TENM3: variants seen among roughly 807,000 people sequenced by gnomAD.
TENM3 encodes the protein teneurin-3.
Under a neutral mutation model 255.1 loss-of-function variants are expected in TENM3, and 63 were observed. The observed-to-expected ratio is 0.25, with a 90% confidence interval of 0.20 to 0.30. The LOEUF is 0.30. TENM3 is among the 10% of genes least tolerant of loss of function. TENM3 has a pLI of 1.00. For missense variants in TENM3, 2,929 were observed against 3,461.1 expected, an observed-to-expected ratio of 0.85 and a Z score of 3.86; for synonymous variants, 1,306 against 1,322.3, an observed-to-expected ratio of 0.99 and a Z score of 0.27.
chr4:182,682,187 A>G (rs1756231381), intron 11 of TENM3, among the ~76,000 whole-genome samples, 173 bp downstream of exon 11: 1 of 152,184 alleles, frequency 6.6e-6, no homozygotes, highest in Non-Finnish European at 1.5e-5. Context: ...AAAAGAAGGA[A>G]CCAGGCTTAG....
the TENM3 span, among the ~76,000 whole-genome samples, chr4:181,758,939 A>G: frequency 5.3e-5 from 8 of 152,218 alleles, no homozygotes; most frequent in Non-Finnish European, 8.8e-5. Context: ...TTAAAAATCA[A>G]TACCAACTCT....
chr4:182,121,069 G>A, the TENM3 span, among the ~76,000 whole-genome samples: 1 of 151,980 alleles, frequency 6.6e-6, no homozygotes, highest in African/African-American at 2.4e-5. Context: ...CATGATCTTG[G>A]CTCACTGCAA....
chr4:181,914,638 G>A, the TENM3 span, among the ~76,000 whole-genome samples: 1 of 152,190 alleles, frequency 6.6e-6, no homozygotes, highest in Admixed American at 6.5e-5. Context: ...GGAATGTAGA[G>A]AGCTGAGCAT....
At chr4:181,467,865 T>G in the TENM3 span, among the ~76,000 whole-genome samples, 3 of 152,180 alleles carry the variant, frequency 2.0e-5, no homozygotes, top group Non-Finnish European at 4.4e-5. Context: ...GCAGATATTT[T>G]CATTACTTTC....
chr4:181,570,613 G>GAGAA, the TENM3 span, among the ~76,000 whole-genome samples: 1 of 150,624 alleles, frequency 6.6e-6, no homozygotes, highest in East Asian at 2.0e-4. Context: ...AAGGAAGAAA[G>GAGAA]AGAAAGAAAG....
intron 3 of TENM3, among the ~76,000 whole-genome samples, chr4:182,500,139 A>G (rs1457200248): frequency 6.6e-6 from 1 of 152,220 alleles, no homozygotes; most frequent in Non-Finnish European, 1.5e-5. Flanking sequence ...TCAAGTAGCT[A>G]AGGCATAATG....
At chr4:182,263,731 C>G (rs1401492218) in intron 1 of TENM3, among the ~76,000 whole-genome samples, 1 of 152,166 alleles carries the variant, frequency 6.6e-6, no homozygotes, top group Non-Finnish European at 1.5e-5. Flanking sequence ...TCGCTCCTTT[C>G]CCTTTCTTAT....
At chr4:181,641,387 C>T in the TENM3 span, among the ~76,000 whole-genome samples, 69 of 150,908 alleles carry the variant, frequency 4.6e-4, no homozygotes, top group East Asian at 4.4e-3. Flanking sequence ...CCTGTGTCCA[C>T]GTTTGCTCAT....
chr4:181,748,271 A>G, the TENM3 span, among the ~76,000 whole-genome samples: 61,147 of 151,880 alleles, frequency 0.4, 13,510 homozygotes, highest in East Asian at 0.6. Context: ...ATCCAAGTGC[A>G]TGGTAGGTTT....
intron 3 of TENM3, among the ~76,000 whole-genome samples, chr4:182,549,631 TG>T (rs1487036927): frequency 6.6e-6 from 1 of 152,172 alleles, no homozygotes; most frequent in Non-Finnish European, 1.5e-5. Context: ...CTGAGGAGCC[TG>T]CTTTTGAAGT....
the TENM3 span, among the ~76,000 whole-genome samples, chr4:181,854,584 G>T: frequency 6.6e-6 from 1 of 152,008 alleles, no homozygotes; most frequent in East Asian, 1.9e-4. Flanking sequence ...CATAATAGAC[G>T]TTTATGTCTT....
chr4:181,720,613 TC>T, the TENM3 span, among the ~76,000 whole-genome samples: 1 of 151,884 alleles, frequency 6.6e-6, no homozygotes, highest in East Asian at 1.9e-4. Flanking sequence ...AACTATAAAG[TC>T]CTTTGACTGA....
At position 182,495,163 on chromosome 4, in the gene TENM3, G is replaced by A. The variant is rs76541844; in HGVS notation, c.512-105761G>A. 4.3e-3 allele frequency among the ~76,000 whole-genome samples: 661 copies of A among 152,258 alleles called. 16 individuals are homozygous for A. The East Asian group carries it at 0.052, about 12-fold the overall frequency. ...AACTTAATGGAAGATGCTCAGATGC[G>A]CGAGCTCTCTGATGATACCCCTTAA... On this transcript the variant is annotated intron_variant, in intron 3 of 27. Transcript: ENST00000511685.
intron 8 of TENM3, 130 bp from the exon 9 acceptor site, chr4:182,680,118 G>A: frequency 1.3e-6 from 1 of 760,502 alleles, no homozygotes; most frequent in South Asian, 1.7e-5. Flanking sequence ...TTGAAAATCT[G>A]CATTTGAAGT....
intron 1 of TENM3, among the ~76,000 whole-genome samples, chr4:182,280,008 G>C (rs1213511870): frequency 6.6e-6 from 1 of 152,128 alleles, no homozygotes; most frequent in Admixed American, 6.5e-5. Context: ...GCACCTCCAT[G>C]GCCAGATAAT....
chr4:182,004,533 A>G, the TENM3 span, among the ~76,000 whole-genome samples: 1 of 152,202 alleles, frequency 6.6e-6, no homozygotes, highest in African/African-American at 2.4e-5. Flanking sequence ...TATAATAAAC[A>G]TACGTGTGCA....
At chr4:181,485,499 A>C in the TENM3 span, among the ~76,000 whole-genome samples, 4 of 152,142 alleles carry the variant, frequency 2.6e-5, no homozygotes, top group African/African-American at 4.8e-5. Context: ...TAAAAAAAAG[A>C]GTATCACTTT....
At chr4:181,539,121 G>A in the TENM3 span, among the ~76,000 whole-genome samples, 3 of 152,060 alleles carry the variant, frequency 2.0e-5, no homozygotes, top group East Asian at 3.9e-4. Flanking sequence ...TTCATGACTT[G>A]CTCACCACTG....
chr4:181,589,442 C>T, the TENM3 span, among the ~76,000 whole-genome samples: 1 of 152,192 alleles, frequency 6.6e-6, no homozygotes, highest in East Asian at 1.9e-4. Flanking sequence ...ACAATATACA[C>T]ACTTTAAGGA....
Sources: allele counts gnomAD v4.1 joint callset (sites outside exome capture counted in the v4.1 genomes callset), GRCh38; gene constraint gnomAD v4.1.1; transcripts MANE v1.5; gene names NCBI Gene and HGNC (gene_info 2026-07-23, HGNC 2026-07-21).